Variants in PTPRD observed in about 807,000 individuals in gnomAD.
PTPRD encodes protein tyrosine phosphatase receptor type D.
PTPRD carries 34 observed loss-of-function variants against 214.5 expected under a neutral mutation model. The observed-to-expected ratio is 0.16, with a 90% CI of 0.12 to 0.21. The LOEUF (loss-of-function observed/expected upper bound fraction) is 0.21, where lower values mean the gene tolerates loss of function less well. Ranked by LOEUF, PTPRD falls within the 10% of genes least tolerant of loss-of-function variation. PTPRD has a pLI of 1.00. For missense variants in PTPRD, 2,545 were observed against 2,398.7 expected (o/e 1.06, Z -1.27); for synonymous variants, 1,128 against 845.7 (o/e 1.33, Z -5.79).
chr9:8,406,989 T>C (rs2093047257), intron 35 of PTPRD, among the ~76,000 whole-genome samples: 1 of 152,222 alleles, frequency 6.6e-6, no homozygotes, highest in African/African-American at 2.4e-5. Flanking sequence ...ATGTATAAGA[T>C]GGCATGCATT....
At chr9:9,022,966 G>C (rs575144985) in intron 10 of PTPRD, among the ~76,000 whole-genome samples, 124 of 152,224 alleles carry the variant, frequency 8.1e-4, no homozygotes, top group African/African-American at 2.5e-3. Flanking sequence ...GTAATGTTCA[G>C]CCTGAGAATA....
intron 8 of PTPRD, among the ~76,000 whole-genome samples, chr9:9,486,383 C>T (rs1281817957): frequency 6.6e-6 from 1 of 152,028 alleles, no homozygotes; most frequent in Non-Finnish European, 1.5e-5. Context: ...ATTCTTATTG[C>T]TTCCAATGGA....
At chr9:9,484,794 T>G (rs1046455282) in intron 8 of PTPRD, among the ~76,000 whole-genome samples, 5 of 152,120 alleles carry the variant, frequency 3.3e-5, no homozygotes, top group African/African-American at 1.2e-4. Flanking sequence ...GCCTACAGTC[T>G]TGACCACCAA....
chr9:10,594,570 C>T (rs929984240), intron 2 of PTPRD, among the ~76,000 whole-genome samples: 1 of 151,982 alleles, frequency 6.6e-6, no homozygotes, highest in Non-Finnish European at 1.5e-5. Flanking sequence ...CTACATTTCT[C>T]AAACAACCTG....
intron 3 of PTPRD, among the ~76,000 whole-genome samples, chr9:10,207,660 T>C (rs1301547986): frequency 6.6e-6 from 1 of 151,868 alleles, no homozygotes; most frequent in Non-Finnish European, 1.5e-5. Flanking sequence ...TACAAATTAA[T>C]ATTTTGATAA....
Position 8,903,748 on chromosome 9 carries a change from C to CAA in PTPRD, c.-104+114948_-104+114949insTT, listed in dbSNP as rs1351723543. 5.3e-3 allele frequency among the ~76,000 whole-genome samples: 786 copies of CAA among 148,250 alleles called. 21 individuals are homozygous for CAA. The highest frequency in any genetic ancestry group is 0.02 in the African/African-American group (740 of 37,878). ...CTAACAAACTGTTCTGATTCTCTAC[C>CAA]TTTAAAAAATTATGGGAAATTTGAT... is the stretch of plus-strand genomic sequence containing the variant. On this transcript the variant is annotated intron_variant, in intron 11 of 45. Coordinates refer to ENST00000381196, the MANE Select transcript of PTPRD (RefSeq NM_002839.4).
chr9:10,169,473 C>CAAAAAAAAAAAAAAAAAAAAAAAAAAAAA (rs59335943), intron 3 of PTPRD, among the ~76,000 whole-genome samples: 2 of 66,876 alleles, frequency 3.0e-5, no homozygotes, highest in African/African-American at 1.4e-4. Flanking sequence ...GACTCTGTCT[C>CAAAAAAAAAAAAAAAAAAAAAAAAAAAAA]AAAAAAAAAA....
At chr9:8,946,993 TTTC>T (rs933640791) in intron 11 of PTPRD, among the ~76,000 whole-genome samples, 2 of 150,474 alleles carry the variant, frequency 1.3e-5, no homozygotes, top group African/African-American at 4.9e-5. Context: ...TTTCTCAAGC[TTTC>T]TATCTCTGTC....
chr9:8,847,849 A>G (rs984624487), intron 11 of PTPRD, among the ~76,000 whole-genome samples: 1 of 152,228 alleles, frequency 6.6e-6, no homozygotes, highest in Non-Finnish European at 1.5e-5. Context: ...ATAATTAACA[A>G]AAGTTTCTCA....
At chr9:8,460,237 G>C (rs1675782208) in intron 33 of PTPRD, 174 bp downstream of exon 33, 1 of 803,410 alleles carries the variant, frequency 1.2e-6, no homozygotes, top group African/African-American at 1.7e-5. Flanking sequence ...ATTCCAAATA[G>C]TACAGTCTTT....
At chr9:8,426,772 A>G (rs1304014943) in intron 35 of PTPRD, among the ~76,000 whole-genome samples, 1 of 151,582 alleles carries the variant, frequency 6.6e-6, no homozygotes, top group Non-Finnish European at 1.5e-5. Flanking sequence ...TACGAAGTTT[A>G]ATGTTAGTAA....
At chr9:10,038,196 T>G (rs1246635484) in intron 3 of PTPRD, among the ~76,000 whole-genome samples, 1 of 152,166 alleles carries the variant, frequency 6.6e-6, no homozygotes, top group Non-Finnish European at 1.5e-5. Flanking sequence ...CCTTCTTAAT[T>G]ATTGACCATG....
intron 2 of PTPRD, among the ~76,000 whole-genome samples, chr9:10,376,363 A>C (rs946424735): frequency 6.6e-6 from 1 of 151,902 alleles, no homozygotes; most frequent in African/African-American, 2.4e-5. Flanking sequence ...AACTAGAGCA[A>C]AGGAAAAATT....
At chr9:9,612,264 G>A (rs2094552936) in intron 7 of PTPRD, among the ~76,000 whole-genome samples, 1 of 152,098 alleles carries the variant, frequency 6.6e-6, no homozygotes, top group Admixed American at 6.5e-5. Flanking sequence ...TAGAAAGGTG[G>A]TCTTGACTGA....
rs374670980 is a variant in PTPRD, at chr9:8,594,994, C to T, written c.352+38323G>A. The stretch of plus-strand genomic sequence containing the variant: ...TCTCCTGCCTCAGACTCCTGAGTAG[C>T]TGGAACTACAGGCCCCCACCATCAT... On this transcript the variant is annotated intron_variant, in intron 14 of 45. Transcript: ENST00000381196. Among the ~76,000 whole-genome samples, 146 of 151,020 alleles carry T rather than the reference C, an allele frequency of 9.7e-4. 1 individual carries two copies. In the South Asian group the frequency reaches 0.016, roughly 16 times the overall value.
At chr9:8,338,139 T>A (rs1450710192) in intron 43 of PTPRD, among the ~76,000 whole-genome samples, 1 of 152,012 alleles carries the variant, frequency 6.6e-6, no homozygotes, top group Non-Finnish European at 1.5e-5. Flanking sequence ...ACTAAATAGC[T>A]TTACCCTGGA....
chr9:10,424,103 C>T (rs1409399925), intron 2 of PTPRD, among the ~76,000 whole-genome samples: 1 of 151,820 alleles, frequency 6.6e-6, no homozygotes, highest in African/African-American at 2.4e-5. Context: ...TAAATGTGTG[C>T]CTTACAGTTC....
intron 39 of PTPRD, among the ~76,000 whole-genome samples, chr9:8,373,905 T>C (rs868476355): frequency 3.7e-5 from 3 of 81,316 alleles, no homozygotes; most frequent in African/African-American, 9.5e-5. Flanking sequence ...TATCTATCTA[T>C]CTATCTATCT....
intron 14 of PTPRD, among the ~76,000 whole-genome samples, chr9:8,593,070 C>A (rs904643238): frequency 1.3e-5 from 2 of 152,116 alleles, no homozygotes; most frequent in Non-Finnish European, 2.9e-5. Context: ...GAAAGGATGG[C>A]TGAGGAGAAA....
Sources: gnomAD v4.1 joint callset for allele counts (sites outside exome capture counted in the v4.1 genomes callset) on GRCh38, gnomAD v4.1.1 for gene constraint, MANE v1.5 for transcripts, NCBI Gene and HGNC (gene_info 2026-07-23, HGNC 2026-07-21) for gene names.